Variants in HEXD observed in about 807,000 individuals in gnomAD.
HEXD encodes the protein hexosaminidase D, also known as N-acetyl-beta-galactosaminidase.
In HEXD, 47 loss-of-function variants were observed where a neutral mutation model predicts 54.2. That is an observed-to-expected ratio of 0.87 (90% confidence interval 0.69 to 1.11). The LOEUF (loss-of-function observed/expected upper bound fraction) is 1.11. Among genes scored for constraint, HEXD ranks in the 50% least tolerant of loss-of-function variants. The probability of loss-of-function intolerance (pLI) is 0.00; values close to 1 mark genes in which losing one functional copy is unlikely to be tolerated. For missense variants in HEXD, 576 were observed against 649.2 expected (o/e 0.89, Z 1.23); for synonymous variants, 293 against 287.6 (o/e 1.02, Z -0.19).
At chr17:82,439,909 C>T in intron 9 of HEXD, 196 bp downstream of exon 9, 1 of 1,526,656 alleles carries the variant, frequency 6.6e-7, no homozygotes, top group Non-Finnish European at 8.8e-7. Context: ...GTCTGGGTCT[C>T]CAGGCCTAAG....
At chr17:82,436,988 A>G in intron 7 of HEXD, 180 bp from the exon 8 acceptor site, 1 of 668,256 alleles carries the variant, frequency 1.5e-6, no homozygotes, top group South Asian at 1.8e-5. Context: ...TACACTCTGG[A>G]GTCTCCCCGA....
chr17:82,419,915 C>G (rs755629914), intron 2 of HEXD, 32 bp downstream of exon 2: 7 of 1,420,848 alleles, frequency 4.9e-6, no homozygotes, highest in Non-Finnish European at 5.9e-6. Flanking sequence ...TAGAGCATTA[C>G]TTTTTGCCTT....
rs774544874 is a variant in HEXD, at chr17:82,433,797, A to G, written c.422A>G (p.Gln141Arg). 4.3e-6 allele frequency: 7 copies of G among 1,612,784 alleles called. No individual in the cohort carries two copies. The South Asian group carries it at 6.6e-5, about 15-fold the overall frequency. Residue 141 changes from glutamine to arginine, a missense_variant, in exon 5 of 13, where the codon CAG (glutamine) becomes CGG (arginine). Gln to Arg is a conservative substitution (Grantham distance 43, BLOSUM62 1). Transcript: ENST00000327949. Reference protein sequence around the residue: ...DQVLELHPGAQRLHIGCDEVY... With the variant: ...DQVLELHPGARRLHIGCDEVY... ...GTCCTGGAGCTACACCCAGGCGCCC[A>G]GCGGCTGCACATCGGGTGTGATGAG...
chr17:82,424,963 A>G (rs1259559917), intron 3 of HEXD, among the ~76,000 whole-genome samples: 2 of 148,926 alleles, frequency 1.3e-5, no homozygotes, highest in Non-Finnish European at 3.0e-5. Context: ...GGACTACAGA[A>G]GGTTAGAGAA....
rs1567897937 is a variant in HEXD at position 82,441,056 on chromosome 17, G to C, written c.1042G>C (p.Glu348Gln). 6.2e-7 allele frequency: 1 copy of C among 1,613,558 alleles called. No individual in the cohort carries two copies. The highest frequency in any genetic ancestry group is 8.5e-7 in the Non-Finnish European group (1 of 1,179,970). The stretch of plus-strand genomic sequence containing the variant: ...GAACCTTCTCGGGATTTCCAGCCTG[G>C]AAAAAACGGACCCTGTTAGGCAAGC... ...VENLLGISSLEKTDPVREGAG... is the reference protein window; with the variant it reads ...VENLLGISSLQKTDPVREGAG... The change falls in exon 10 of 13, where the codon GAA becomes CAA. Residue 348 changes from glutamate (E) to glutamine (Q), a missense_variant. By Grantham distance (29) the Glu-to-Gln change is conservative. Coordinates refer to ENST00000327949, the MANE Select transcript of HEXD (RefSeq NM_001330542.2).
Position 82,434,977 on chromosome 17 carries a change from C to G in HEXD, c.448-712C>G, listed in dbSNP as rs1298737222. On this transcript the variant is annotated intron_variant, in intron 5 of 12. Coordinates refer to ENST00000327949, the MANE Select transcript of HEXD (RefSeq NM_001330542.2). The surrounding 1 kb of genome is among the most constrained non-coding windows in gnomAD (Gnocchi z 4.5). The stretch of plus-strand genomic sequence containing the variant: ...CCTGGCCAACATGGTGAAACCCCGT[C>G]TCTACTAAAAATACAAAATTAGCCA... Among the ~76,000 whole-genome samples the G allele has an allele frequency of 8.6e-5, 13 of 151,342 alleles. No homozygotes were observed. The highest frequency in any genetic ancestry group is 1.9e-4 in the Non-Finnish European group (13 of 67,898).
chr17:82,437,196 C>G lies in HEXD; in HGVS notation c.732C>G (p.Cys244Trp). The G allele has an allele frequency of 1.3e-6, 2 of 1,598,530 alleles. No homozygotes were observed. The highest frequency in any genetic ancestry group is 1.7e-6 in the Non-Finnish European group (2 of 1,170,702). ...KVLLMQKYRR[C>W]GFPQLWAASA... ...TCCTCATGCAGAAGTACCGGCGGTGCGGCTTTCCGCAGCTGTGGGCAGCCA... is the reference window on the plus strand; with the variant it reads ...TCCTCATGCAGAAGTACCGGCGGTGGGGCTTTCCGCAGCTGTGGGCAGCCA... The change falls in exon 8 of 13, where the codon TGC (cysteine) becomes TGG (tryptophan). Residue 244 changes from cysteine (C) to tryptophan (W), a missense_variant. Physicochemically the swap from Cys to Trp is radical, Grantham distance 215. Transcript: ENST00000327949.
chr17:82,433,353 GGATC>G, intron 4 of HEXD, among the ~76,000 whole-genome samples: 3 of 151,434 alleles, frequency 2.0e-5, no homozygotes, highest in Admixed American at 2.0e-4. Flanking sequence ...TGAGGCGGGA[GGATC>G]ACTTGAACCT....
At chr17:82,425,257 A>G (rs191957645) in intron 3 of HEXD, among the ~76,000 whole-genome samples, 4 of 138,830 alleles carry the variant, frequency 2.9e-5, no homozygotes, top group East Asian at 4.5e-4. Context: ...AAGGCTGGAG[A>G]AGGCTGGAGA....
At chr17:82,440,806 G>A (rs898939157) in intron 9 of HEXD, among the ~76,000 whole-genome samples, 191 bp from the exon 10 acceptor site, 2 of 152,234 alleles carry the variant, frequency 1.3e-5, no homozygotes, top group African/African-American at 4.8e-5. Context: ...TATTTCACGT[G>A]TTTAAAGAGA....
In HEXD at chr17:82,436,731, C is replaced by T. The variant is rs201115606; in HGVS notation, c.696C>T (p.His232=). 65 of 1,612,060 alleles carry T rather than the reference C, an allele frequency of 4.0e-5. No homozygotes were observed. The highest frequency in any genetic ancestry group is 5.5e-5 in the South Asian group (5 of 90,734). ...ACTACACGGCCGACCTGGATGTGCA[C>T]GGCAAGGGTCAGTGCCAAGTTGTGG... The part of the protein sequence containing the change: ...LWDYTADLDV[H]GKVLLMQKYR... The change falls in exon 7 of 13, where the codon CAC becomes CAT. Residue 232 remains histidine (H), a synonymous_variant. Transcript: ENST00000327949.
intron 2 of HEXD, among the ~76,000 whole-genome samples, chr17:82,422,740 C>T (rs2053272092): frequency 6.6e-6 from 1 of 152,020 alleles, no homozygotes; most frequent in South Asian, 2.1e-4. Context: ...GAAGACTGAA[C>T]TTACATACAG....
rs867034094 is a variant in HEXD, at chr17:82,434,763, A to G, written c.448-926A>G. Among the ~76,000 whole-genome samples the G allele has an allele frequency of 6.6e-6, 1 of 151,896 alleles. No individual in the cohort carries two copies. The highest frequency in any genetic ancestry group is 6.6e-5 in the Admixed American group (1 of 15,258). On this transcript the variant is annotated intron_variant, in intron 5 of 12. Coordinates refer to ENST00000327949, the MANE Select transcript of HEXD (RefSeq NM_001330542.2). This position sits in a 1 kb window ranked among gnomAD's most constrained non-coding sequence, Gnocchi z 4.5. Reference sequence around the variant, plus strand: ...TGAGGCACGAGAATCGCTTGAACCCAGGAGGTGAAGGTTGCAGTGAGCTGA... The same window carrying G: ...TGAGGCACGAGAATCGCTTGAACCCGGGAGGTGAAGGTTGCAGTGAGCTGA...
chr17:82,439,219 G>A (rs936210288), intron 8 of HEXD, among the ~76,000 whole-genome samples: 2 of 152,208 alleles, frequency 1.3e-5, no homozygotes, highest in South Asian at 2.1e-4. Flanking sequence ...GGAGGCAGCC[G>A]AGGGAGAGGG....
At chr17:82,421,281 G>A (rs2053228485) in intron 2 of HEXD, among the ~76,000 whole-genome samples, 1 of 152,086 alleles carries the variant, frequency 6.6e-6, no homozygotes, top group Non-Finnish European at 1.5e-5. Context: ...TCAGAAATAC[G>A]TAACAAAACT....
intron 8 of HEXD, among the ~76,000 whole-genome samples, chr17:82,439,134 G>A (rs1425654454): frequency 6.6e-6 from 1 of 152,236 alleles, no homozygotes; most frequent in African/African-American, 2.4e-5. Flanking sequence ...CCCCTGACCT[G>A]CTGCCTGCCA....
rs775935698 is a variant in HEXD, at chr17:82,439,655, C to T, written c.924C>T (p.Cys308=). 3.5e-5 allele frequency: 56 copies of T among 1,590,778 alleles called. No individual in the cohort carries two copies. The East Asian group carries it at 1.0e-3, about 29-fold the overall frequency. The change falls in exon 9 of 13, where the codon TGC becomes TGT. Residue 308 remains cysteine, a synonymous_variant. Transcript: ENST00000327949. ...WQRYDHYSVL[C]ELLPAGVPSL... ...GGTACGACCACTACTCTGTGCTGTGCGAGCTGCTGCCCGCAGGAGTCCCGT... is the reference window on the plus strand; with the variant it reads ...GGTACGACCACTACTCTGTGCTGTGTGAGCTGCTGCCCGCAGGAGTCCCGT...
At chr17:82,432,088 G>T (rs1455127857) in intron 4 of HEXD, among the ~76,000 whole-genome samples, 1 of 152,148 alleles carries the variant, frequency 6.6e-6, no homozygotes, top group African/African-American at 2.4e-5. Flanking sequence ...TTGGTGGTCA[G>T]CCAAGGGTTT....
At chr17:82,441,966 A>T in intron 12 of HEXD, 77 bp downstream of exon 12, 1 of 1,450,070 alleles carries the variant, frequency 6.9e-7, no homozygotes, top group Non-Finnish European at 9.6e-7. Flanking sequence ...ATGTCCCTCA[A>T]CTAGAGAGCA....
Sources: gnomAD v4.1 joint callset for allele counts (sites outside exome capture counted in the v4.1 genomes callset) on GRCh38, gnomAD v4.1.1 for gene constraint, Gnocchi (gnomAD v3.1) non-coding constraint, MANE v1.5 for transcripts, NCBI Gene and HGNC (gene_info 2026-07-23, HGNC 2026-07-21) for gene names.